DOCK2: variants seen among roughly 807,000 people sequenced by gnomAD.
DOCK2 encodes the protein dedicator of cytokinesis 2, also known as dedicator of cytokinesis protein 2.
A neutral mutation model predicts 248.9 loss-of-function variants in DOCK2; 87 were observed. The ratio of observed to expected loss-of-function variants is 0.35; its 90% CI spans 0.29 to 0.42. The LOEUF is 0.42. Ranked by LOEUF, DOCK2 falls within the 10% of genes least tolerant of loss-of-function variation. The probability of loss-of-function intolerance (pLI) is 1.00; values close to 1 mark genes in which losing one functional copy is unlikely to be tolerated. For missense variants in DOCK2, 1,747 were observed against 2,300.2 expected (o/e 0.76, Z 4.92); for synonymous variants, 805 against 821.6 (o/e 0.98, Z 0.35).
At chr5:169,830,295 T>C (rs939319142) in intron 26 of DOCK2, among the ~76,000 whole-genome samples, 96 of 152,362 alleles carry the variant, frequency 6.3e-4, no homozygotes, top group African/African-American at 2.2e-3. Context: ...ATGGCTGGCA[T>C]ATATTAAGTG....
At chr5:169,960,363 TTTCTGG>T in intron 27 of DOCK2, among the ~76,000 whole-genome samples, 1 of 152,232 alleles carries the variant, frequency 6.6e-6, no homozygotes, top group Non-Finnish European at 1.5e-5. Context: ...AAAGGTGCTA[TTTCTGG>T]TTCTTGTAGC....
intron 40 of DOCK2, among the ~76,000 whole-genome samples, chr5:170,049,948 G>C (rs1404217043): frequency 2.0e-5 from 3 of 152,224 alleles, no homozygotes; most frequent in African/African-American, 7.2e-5. Context: ...GTATATAGGA[G>C]AGTGGGTGTG....
rs114538372 is a variant in DOCK2, at chr5:170,063,965, C to A, written c.4468-3545C>A. 7.5e-3 allele frequency among the ~76,000 whole-genome samples: 1,147 copies of A among 152,254 alleles called. 14 individuals are homozygous for A. Among genetic ancestry groups the A allele is most frequent in the African/African-American group, 0.026 (1,082 of 41,546 alleles). ...AAAAAACTGGAACACACATTTAATA[C>A]CCCCACCTTTCCAGCTACATCTAGA... is the stretch of plus-strand genomic sequence containing the variant. On this transcript the variant is annotated intron_variant, in intron 44 of 51. Transcript: ENST00000520908.
At chr5:169,778,454 T>C (rs1472568216) in intron 25 of DOCK2, among the ~76,000 whole-genome samples, 1 of 152,194 alleles carries the variant, frequency 6.6e-6, no homozygotes, top group African/African-American at 2.4e-5. Context: ...TGTGCTCTTA[T>C]TGCACTCTTC....
intron 27 of DOCK2, among the ~76,000 whole-genome samples, chr5:169,893,303 C>T (rs558134128): frequency 2.0e-5 from 3 of 152,282 alleles, no homozygotes; most frequent in African/African-American, 7.2e-5. Context: ...CAGGGGAAAG[C>T]CTTTACTACC....
At chr5:169,684,476 G>T in intron 8 of DOCK2, 126 bp downstream of exon 8, 1 of 1,282,532 alleles carries the variant, frequency 7.8e-7, no homozygotes, top group Non-Finnish European at 1.1e-6. Flanking sequence ...GAGTGAGAAT[G>T]TGGAAATAAC....
At chr5:170,040,916 A>C (rs543423805) in intron 36 of DOCK2, 139 bp from the exon 37 acceptor site, 2 of 635,526 alleles carry the variant, frequency 3.1e-6, no homozygotes, top group Admixed American at 4.8e-5. Flanking sequence ...TACCCACACA[A>C]AGTTCTGGTT....
intron 27 of DOCK2, among the ~76,000 whole-genome samples, chr5:169,957,018 G>A (rs1776896384): frequency 6.6e-6 from 1 of 151,828 alleles, no homozygotes; most frequent in South Asian, 2.1e-4. Flanking sequence ...CATTGTTCTG[G>A]AGAGTTTATT....
At chr5:169,805,701 C>T (rs1174720990) in intron 26 of DOCK2, among the ~76,000 whole-genome samples, 9 of 152,192 alleles carry the variant, frequency 5.9e-5, no homozygotes, top group African/African-American at 1.2e-4. Context: ...TTGCACATTC[C>T]CTGACATCAG....
chr5:170,076,119 T>A (rs748490512), intron 47 of DOCK2, 35 bp downstream of exon 47: 11 of 1,605,430 alleles, frequency 6.9e-6, no homozygotes, highest in Non-Finnish European at 1.7e-6. Context: ...AGGGGTGGGA[T>A]TGTGCAGGGT....
chr5:169,697,932 T>TA (rs397789370), intron 10 of DOCK2, among the ~76,000 whole-genome samples: 192 of 152,334 alleles, frequency 1.3e-3, no homozygotes, highest in African/African-American at 4.6e-3. Context: ...TATGTATCTG[T>TA]ACATATGAGT....
At chr5:169,804,380 A>G (rs1481103794) in intron 26 of DOCK2, among the ~76,000 whole-genome samples, 2 of 151,534 alleles carry the variant, frequency 1.3e-5, no homozygotes, top group Non-Finnish European at 2.9e-5. Context: ...AAGAAAACCT[A>G]TCCCCAATAT....
intron 26 of DOCK2, among the ~76,000 whole-genome samples, chr5:169,804,757 C>A (rs1233288897): frequency 1.3e-5 from 2 of 152,192 alleles, no homozygotes; most frequent in Admixed American, 1.3e-4. Flanking sequence ...ATGTCAGGGT[C>A]AAAATTCAAA....
intron 25 of DOCK2, among the ~76,000 whole-genome samples, chr5:169,762,248 A>C (rs2113742219): frequency 6.6e-6 from 1 of 152,282 alleles, no homozygotes; most frequent in Admixed American, 6.5e-5. Context: ...GCTTCTAGGC[A>C]CACTCTGTGG....
At chr5:169,747,618 C>G (rs1763681812) in intron 23 of DOCK2, 114 bp downstream of exon 23, 3 of 861,908 alleles carry the variant, frequency 3.5e-6, no homozygotes, top group Non-Finnish European at 5.2e-6. Flanking sequence ...CAGTGAAGGC[C>G]TGGGCTGGCC....
chr5:169,836,572 A>G (rs1769594068), intron 26 of DOCK2, among the ~76,000 whole-genome samples: 1 of 152,244 alleles, frequency 6.6e-6, no homozygotes, highest in South Asian at 2.1e-4. Flanking sequence ...ATGTCATGCC[A>G]TCCTCATTTT....
At chr5:169,796,948 G>GA (rs1480660023) in intron 25 of DOCK2, among the ~76,000 whole-genome samples, 1 of 152,292 alleles carries the variant, frequency 6.6e-6, no homozygotes, top group Admixed American at 6.5e-5. Context: ...CCAGAGAGTT[G>GA]AAAAAACTCA....
At chr5:169,941,049 T>G (rs4867900) in intron 27 of DOCK2, among the ~76,000 whole-genome samples, 59,850 of 151,960 alleles carry the variant, frequency 0.39, 11,988 homozygotes, top group South Asian at 0.52. Flanking sequence ...TGTGCTTCAG[T>G]GGGGTAGGCA....
chr5:170,025,542 C>T (rs777204195), intron 33 of DOCK2, among the ~76,000 whole-genome samples: 2 of 152,220 alleles, frequency 1.3e-5, no homozygotes, highest in East Asian at 1.9e-4. Context: ...GCCAGACAGC[C>T]GCACAGCAGA....
Sources: gnomAD v4.1 joint callset for allele counts (sites outside exome capture counted in the v4.1 genomes callset) on GRCh38, gnomAD v4.1.1 for gene constraint, MANE v1.5 for transcripts, NCBI Gene and HGNC (gene_info 2026-07-23, HGNC 2026-07-21) for gene names.